The following NTM variants were observed in gnomAD, a reference collection of about 807,000 sequenced individuals.
NTM encodes neurotrimin, also known as IgLON family member 2.
A neutral mutation model predicts 42.1 loss-of-function variants in NTM; 13 were observed. The observed-to-expected ratio is 0.31, with a 90% CI of 0.20 to 0.49. The LOEUF (loss-of-function observed/expected upper bound fraction) is 0.49, where lower values mean the gene tolerates loss of function less well. NTM is among the 20% of genes least tolerant of loss of function. The pLI is 0.99. For missense variants in NTM, 373 were observed against 452.8 expected (o/e 0.82, Z 1.60); for synonymous variants, 187 against 179.2 (o/e 1.04, Z -0.35).
intron 2 of NTM, among the ~76,000 whole-genome samples, chr11:132,023,022 A>G (rs1396637250): frequency 7.8e-6 from 1 of 128,286 alleles, no homozygotes; most frequent in Non-Finnish European, 1.7e-5. Flanking sequence ...GGCTGGCTCC[A>G]TGTGAAGCTC....
chr11:131,873,689 A>G, intron 1 of NTM, among the ~76,000 whole-genome samples: 1 of 129,624 alleles, frequency 7.7e-6, no homozygotes, highest in East Asian at 2.1e-4. Context: ...ACACATATAT[A>G]TACACACATA....
At chr11:131,436,750 AT>A (rs1565498681) in intron 1 of NTM, among the ~76,000 whole-genome samples, 1 of 151,888 alleles carries the variant, frequency 6.6e-6, no homozygotes, top group African/African-American at 2.4e-5. Context: ...AGATTCATTG[AT>A]TTTTTTGAAG....
intron 3 of NTM, among the ~76,000 whole-genome samples, chr11:132,190,085 A>G (rs945510563): frequency 2.0e-5 from 3 of 152,218 alleles, no homozygotes; most frequent in Non-Finnish European, 4.4e-5. Flanking sequence ...CCTCTGTTCA[A>G]CAAAATGATT....
chr11:132,311,597 T>TTGTACTAAGAAGTAAACTGAGGC (rs2095282670), intron 6 of NTM, among the ~76,000 whole-genome samples: 1 of 152,208 alleles, frequency 6.6e-6, no homozygotes, highest in South Asian at 2.1e-4. Flanking sequence ...GACCTTCTTA[T>TTGTACTAAGAAGTAAACTGAGGC]TGTACTAAGA....
intron 1 of NTM, among the ~76,000 whole-genome samples, chr11:131,549,361 C>T (rs2054346155): frequency 6.6e-6 from 1 of 151,986 alleles, no homozygotes; most frequent in South Asian, 2.1e-4. Context: ...AGAAGAAACC[C>T]CAGGCACAAA....
intron 1 of NTM, among the ~76,000 whole-genome samples, chr11:131,827,175 C>G (rs1429284904): frequency 6.6e-6 from 1 of 151,878 alleles, no homozygotes; most frequent in East Asian, 1.9e-4. Context: ...AAATAGAAAA[C>G]AAAATCAACA....
At chr11:131,748,380 C>T (rs74752482) in intron 1 of NTM, among the ~76,000 whole-genome samples, 2,032 of 152,310 alleles carry the variant, frequency 0.013, 49 homozygotes, top group African/African-American at 0.045. Flanking sequence ...GCTAAGCAGA[C>T]GCCGCACAGC....
chr11:131,482,095 G>T (rs1953663464), intron 1 of NTM, among the ~76,000 whole-genome samples: 1 of 152,222 alleles, frequency 6.6e-6, no homozygotes, highest in South Asian at 2.1e-4. Flanking sequence ...GGGACCCAAG[G>T]TTAATGGCCC....
chr11:131,527,340 C>A (rs2050645142), intron 1 of NTM, among the ~76,000 whole-genome samples: 2 of 152,166 alleles, frequency 1.3e-5, no homozygotes, highest in South Asian at 4.1e-4. Context: ...TCTCCCCTTA[C>A]TTCATCTCTA....
At chr11:131,526,524 C>T (rs1450036390) in intron 1 of NTM, among the ~76,000 whole-genome samples, 4 of 152,306 alleles carry the variant, frequency 2.6e-5, no homozygotes, top group Middle Eastern at 3.4e-3. Flanking sequence ...GAGCTGTTTT[C>T]GAGCAGTGTG....
chr11:131,612,441 G>C (rs1254194125), intron 1 of NTM, among the ~76,000 whole-genome samples: 1 of 152,210 alleles, frequency 6.6e-6, no homozygotes, highest in African/African-American at 2.4e-5. Context: ...AATTTTTATT[G>C]TGAAGAATAT....
At chr11:131,389,024 A>AAAAAAAAAAAAAAAAAAAAGAAAAG (rs774146196) in intron 1 of NTM, among the ~76,000 whole-genome samples, 1 of 89,898 alleles carries the variant, frequency 1.1e-5, no homozygotes, top group East Asian at 2.5e-4. Context: ...AAAAAAAAAA[A>AAAAAAAAAAAAAAAAAAAAGAAAAG]AAAAGAAAAG....
chr11:131,611,578 A>T (rs923606127), intron 1 of NTM, among the ~76,000 whole-genome samples: 1 of 152,218 alleles, frequency 6.6e-6, no homozygotes, highest in Non-Finnish European at 1.5e-5. Context: ...AGGAAGAAAG[A>T]CAAAAGATTT....
chr11:131,575,968 A>G (rs1270543939), intron 1 of NTM, among the ~76,000 whole-genome samples: 9 of 152,232 alleles, frequency 5.9e-5, no homozygotes, highest in African/African-American at 1.9e-4. Flanking sequence ...ATTTCATTTT[A>G]TTCCTTGTCT....
intron 2 of NTM, among the ~76,000 whole-genome samples, chr11:132,070,318 C>T (rs1272435540): frequency 2.8e-5 from 4 of 142,968 alleles, no homozygotes; most frequent in African/African-American, 1.0e-4. Context: ...AACTGACGAT[C>T]ACAGGTTAGT....
intron 1 of NTM, among the ~76,000 whole-genome samples, chr11:131,731,865 T>C (rs2079734614): frequency 6.6e-6 from 1 of 152,186 alleles, no homozygotes; most frequent in Non-Finnish European, 1.5e-5. Context: ...CTGGTTATTG[T>C]TGGCATCTGT....
At chr11:131,421,852 G>A (rs190068468) in intron 1 of NTM, among the ~76,000 whole-genome samples, 19 of 152,252 alleles carry the variant, frequency 1.2e-4, no homozygotes, top group Admixed American at 9.8e-4. Context: ...CCTTTTCCTC[G>A]TAACTTTGTT....
intron 1 of NTM, among the ~76,000 whole-genome samples, chr11:131,506,072 G>C (rs1365358430): frequency 6.6e-6 from 1 of 152,112 alleles, no homozygotes; most frequent in African/African-American, 2.4e-5. Flanking sequence ...GAGGGGGAGA[G>C]AGAAGAGGAT....
intron 1 of NTM, among the ~76,000 whole-genome samples, chr11:131,530,925 A>G (rs1247048149): frequency 6.6e-6 from 1 of 152,208 alleles, no homozygotes; most frequent in Non-Finnish European, 1.5e-5. Flanking sequence ...GAGAAGGGAG[A>G]ACAGTAGTGG....
Sources: allele counts gnomAD v4.1 joint callset (sites outside exome capture counted in the v4.1 genomes callset), GRCh38; gene constraint gnomAD v4.1.1; transcripts MANE v1.5; gene names NCBI Gene and HGNC (gene_info 2026-07-23, HGNC 2026-07-21).